The following CUBN variants were observed in gnomAD, a reference collection of about 807,000 sequenced individuals.
CUBN encodes the protein cubilin.
CUBN carries 282 observed loss-of-function variants against 405.3 expected under a neutral mutation model. That is an observed-to-expected ratio of 0.70 (90% CI 0.63 to 0.77). CUBN has a LOEUF of 0.77. CUBN is among the 30% of genes least tolerant of loss of function. The probability of loss-of-function intolerance (pLI) is 0.00; values close to 1 mark genes in which losing one functional copy is unlikely to be tolerated. For synonymous variants in CUBN, 1,684 were observed against 1,617.0 expected (o/e 1.04, Z -0.99); for missense variants, 4,514 against 4,475.2 (o/e 1.01, Z -0.25).
intron 16 of CUBN, 117 bp downstream of exon 16, chr10:17,085,480 A>G (rs146834046): frequency 1.6e-5 from 17 of 1,044,664 alleles, no homozygotes; most frequent in East Asian, 2.4e-5. Context: ...TTATAAAGAA[A>G]TGTTCTTGGT....
intron 51 of CUBN, 77 bp from the exon 52 acceptor site, chr10:16,901,536 C>T: frequency 6.4e-7 from 1 of 1,562,910 alleles, no homozygotes; most frequent in African/African-American, 1.4e-5. Flanking sequence ...AAGTAGTAAT[C>T]ATAACCATCA....
chr10:16,855,947 A>C (rs1365865790), intron 59 of CUBN, among the ~76,000 whole-genome samples: 1 of 152,200 alleles, frequency 6.6e-6, no homozygotes, highest in African/African-American at 2.4e-5. Context: ...GCAAAATGAA[A>C]TGTAAGTGTA....
Position 16,925,221 on chromosome 10 carries a change from T to C in CUBN, c.6646+20A>G, listed in dbSNP as rs746806126. ...GCAATTGCAGGAAAAGCAGATATAA[T>C]TCTCAGTGAAAATACTTACCTAAAC... On this transcript the variant is annotated intron_variant, in intron 43 of 66. Coordinates refer to ENST00000377833, the MANE Select transcript of CUBN (RefSeq NM_001081.4). The C allele has an allele frequency of 1.3e-6, 2 of 1,595,888 alleles. No individual in the cohort carries two copies. Among genetic ancestry groups the C allele is most frequent in the Non-Finnish European group, 1.7e-6 (2 of 1,163,686 alleles).
rs151077044 is a variant in CUBN at position 17,093,495 on chromosome 10, A to C, written c.1766-5150T>G. ...TCCACCAGGATTCATGGAAAATTTG[A>C]AATAGGTCCCCTGTAAATTCAAGCC... On this transcript the variant is annotated intron_variant, in intron 14 of 66. Coordinates refer to ENST00000377833, the MANE Select transcript of CUBN (RefSeq NM_001081.4). Among the ~76,000 whole-genome samples, 166 of 152,270 alleles carry C rather than the reference A, an allele frequency of 1.1e-3. 1 individual carries two copies. The highest frequency in any genetic ancestry group is 3.7e-3 in the African/African-American group (153 of 41,538).
At chr10:17,099,038 G>T (rs1836437115) in intron 14 of CUBN, among the ~76,000 whole-genome samples, 1 of 152,148 alleles carries the variant, frequency 6.6e-6, no homozygotes, top group Admixed American at 6.5e-5. Flanking sequence ...AAACTGACAA[G>T]TTGATTCAAA....
chr10:17,030,043 T>G (rs1352965231), intron 27 of CUBN, among the ~76,000 whole-genome samples: 1 of 152,218 alleles, frequency 6.6e-6, no homozygotes, highest in Non-Finnish European at 1.5e-5. Flanking sequence ...TATTGTGAAC[T>G]GCACACGCGA....
At chr10:17,126,727 GA>G (rs779261582) in intron 4 of CUBN, 33 bp downstream of exon 4, 20 of 1,607,344 alleles carry the variant, frequency 1.2e-5, no homozygotes, top group Non-Finnish European at 1.5e-5. Context: ...TGTTTTCTGT[GA>G]AAGATTTGGG....
chr10:17,073,759 T>C (rs1835791047), intron 17 of CUBN, among the ~76,000 whole-genome samples: 1 of 152,170 alleles, frequency 6.6e-6, no homozygotes, highest in Non-Finnish European at 1.5e-5. Flanking sequence ...TAGCCAGCTC[T>C]TATAGTATAG....
chr10:17,068,084 G>A lies in CUBN; in HGVS notation c.2988C>T (p.Asp996=), dbSNP rs750848030. The A allele has an allele frequency of 2.5e-6, 4 of 1,612,332 alleles. No homozygotes were observed. The highest frequency in any genetic ancestry group is 1.7e-4 in the Middle Eastern group (1 of 6,052). Residue 996 remains aspartate (D), a synonymous_variant, in exon 21 of 67, where the codon GAC becomes GAT. Transcript: ENST00000377833. ...CTTACCTTCCAAGGGATGTCTCAGAGTCGGTGTCATAAACTTCCAAGTAGT... is the reference window on the plus strand; with the variant it reads ...CTTACCTTCCAAGGGATGTCTCAGAATCGGTGTCATAAACTTCCAAGTAGT... ...TNDYLEVYDT[D]SETSLGRYCG...
chr10:16,871,452 C>T (rs1840351011), intron 58 of CUBN, among the ~76,000 whole-genome samples: 1 of 150,098 alleles, frequency 6.7e-6, no homozygotes, highest in Non-Finnish European at 1.5e-5. Flanking sequence ...ATAATAAATG[C>T]TTCCTTTCAA....
chr10:16,918,629 A>C lies in CUBN; in HGVS notation c.6993T>G (p.Tyr2331Ter). Residue 2331 changes from tyrosine (Y) to a stop codon, truncating the protein, a stop_gained, in exon 45 of 67, where the codon TAT becomes TAG. Transcript: ENST00000377833. LOFTEE classifies it high-confidence loss of function. ...SPTHVGFKAK[Y>*]SIAQCGGRVP... Reference sequence around the variant, plus strand: ...TTTTAAAAAAATTATTACCTATAGAATACTTGGCCTTGAATCCCACATGTG... The same window carrying C: ...TTTTAAAAAAATTATTACCTATAGACTACTTGGCCTTGAATCCCACATGTG... 3 of 1,613,192 alleles carry C rather than the reference A, an allele frequency of 1.9e-6. No individual in the cohort carries two copies. The highest frequency in any genetic ancestry group is 2.5e-6 in the Non-Finnish European group (3 of 1,179,326).
chr10:16,888,503 T>C lies in CUBN; in HGVS notation c.8819A>G (p.Tyr2940Cys). 1.2e-6 allele frequency: 2 copies of C among 1,613,578 alleles called. No homozygotes were observed. The highest frequency in any genetic ancestry group is 1.1e-5 in the South Asian group (1 of 91,070). ...YIISPNYPKQ[Y>C]DNNMNCTYVI... ...ATAGGTGCAATTCATGTTGTTGTCA[T>C]ATTGTTTTGGGTAATTTGGAGAAAT... Residue 2940 changes from tyrosine to cysteine, a missense_variant, in exon 56 of 67, where the codon TAT becomes TGT. Physicochemically the swap from Tyr to Cys is radical, Grantham distance 194. This residue lies in a region of CUBN where 1,186 missense variants were observed against 1,186.9 expected (regional missense o/e 1.00). Transcript: ENST00000377833.
At chr10:17,065,991 A>G (rs1405058037) in intron 21 of CUBN, among the ~76,000 whole-genome samples, 1 of 152,212 alleles carries the variant, frequency 6.6e-6, no homozygotes, top group Non-Finnish European at 1.5e-5. Flanking sequence ...ATAAAATCAT[A>G]GAGTCATCTC....
At chr10:17,017,264 T>C (rs1434957396) in intron 28 of CUBN, among the ~76,000 whole-genome samples, 2 of 152,152 alleles carry the variant, frequency 1.3e-5, no homozygotes, top group Admixed American at 1.3e-4. Context: ...GTTTTCCTCC[T>C]AGACCACAAG....
In CUBN at chr10:17,019,844, C is replaced by CA. The variant is rs1834443200; in HGVS notation, c.4156dup (p.Trp1386LeufsTer37). 1 of 1,614,102 alleles carries CA rather than the reference C, an allele frequency of 6.2e-7. No homozygotes were observed. Among genetic ancestry groups the CA allele is most frequent in the Non-Finnish European group, 8.5e-7 (1 of 1,179,988 alleles). On this transcript the variant is annotated frameshift_variant, in exon 28 of 67. Transcript: ENST00000377833. LOFTEE classifies it high-confidence loss of function. The stretch of plus-strand genomic sequence containing the variant: ...AGCACCTGGCTTACCGTAAACAAAC[C>CA]ACTGCATCTGAAATCCTTTCTCACG...
chr10:16,907,060 C>T (rs1419660701), intron 49 of CUBN, among the ~76,000 whole-genome samples: 5 of 152,150 alleles, frequency 3.3e-5, no homozygotes, highest in Non-Finnish European at 7.4e-5. Flanking sequence ...TATATCAAAT[C>T]AAACCTCCCA....
At position 16,831,318 on chromosome 10, in the gene CUBN, G is replaced by A. The variant is rs201426128; in HGVS notation, c.10462C>T (p.Arg3488Ter). Reference protein sequence around the residue: ...VFSQNNELYLRFKSDSVTSDR... With the variant: ...VFSQNNELYL Reference sequence around the variant, plus strand: ...GAAGTTACACTATCACTCTTAAATCGTAGGTATAGTTCATTATTTTGAGAG... The same window carrying A: ...GAAGTTACACTATCACTCTTAAATCATAGGTATAGTTCATTATTTTGAGAG... The change falls in exon 65 of 67, where the codon CGA (arginine) becomes TGA (stop). Residue 3488 changes from arginine (R) to a stop codon, truncating the protein, a stop_gained. Coordinates refer to ENST00000377833, the MANE Select transcript of CUBN (RefSeq NM_001081.4). LOFTEE classifies it high-confidence loss of function. 24 of 1,613,422 alleles carry A rather than the reference G, an allele frequency of 1.5e-5. No individual in the cohort carries two copies. Among genetic ancestry groups the A allele is most frequent in the South Asian group, 6.6e-5 (6 of 91,078 alleles).
intron 29 of CUBN, among the ~76,000 whole-genome samples, chr10:16,988,879 A>C (rs1025307979): frequency 1.3e-5 from 2 of 152,160 alleles, no homozygotes; most frequent in Non-Finnish European, 2.9e-5. Flanking sequence ...AGTTTTGACC[A>C]CTGTAAAATG....
At chr10:16,938,034 A>T (rs1362989056) in intron 38 of CUBN, among the ~76,000 whole-genome samples, 4 of 152,200 alleles carry the variant, frequency 2.6e-5, no homozygotes, top group Admixed American at 2.0e-4. Flanking sequence ...CACTGTGGGA[A>T]TCACTCATAA....
Sources: allele counts gnomAD v4.1 joint callset (sites outside exome capture counted in the v4.1 genomes callset), GRCh38; gene constraint gnomAD v4.1.1; regional missense constraint gnomAD v4.1.1; transcripts MANE v1.5; gene names NCBI Gene and HGNC (gene_info 2026-07-23, HGNC 2026-07-21).